Variants in MYO6 observed in about 807,000 individuals in gnomAD.
MYO6 encodes the protein myosin VI, also known as unconventional myosin-VI.
Under a neutral mutation model 178.7 loss-of-function variants are expected in MYO6, and 74 were observed. The observed-to-expected ratio is 0.41, with a 90% confidence interval of 0.34 to 0.50. The LOEUF (loss-of-function observed/expected upper bound fraction) is 0.50. MYO6 is among the 20% of genes least tolerant of loss of function. The probability of loss-of-function intolerance (pLI) is 0.09; values close to 1 mark genes in which losing one functional copy is unlikely to be tolerated. For missense variants in MYO6, 1,330 were observed against 1,547.4 expected (o/e 0.86, Z 2.36); for synonymous variants, 477 against 504.6 (o/e 0.95, Z 0.73).
chr6:75,889,736 A>G (rs1043472664), intron 25 of MYO6, among the ~76,000 whole-genome samples: 2 of 152,156 alleles, frequency 1.3e-5, no homozygotes, highest in Admixed American at 6.5e-5. Flanking sequence ...TAACTGCAGT[A>G]TATTACCTTA....
intron 32 of MYO6, among the ~76,000 whole-genome samples, chr6:75,908,843 A>G (rs995325685): frequency 6.6e-6 from 1 of 152,116 alleles, no homozygotes; most frequent in Non-Finnish European, 1.5e-5. Context: ...TATTGAATTT[A>G]CTATAATTGA....
At chr6:75,870,877 A>T (rs1777088875) in intron 19 of MYO6, among the ~76,000 whole-genome samples, 192 bp downstream of exon 19, 1 of 152,166 alleles carries the variant, frequency 6.6e-6, no homozygotes, top group Non-Finnish European at 1.5e-5. Context: ...TTTTATAAAT[A>T]TATAGAATTC....
At chr6:75,763,110 T>G (rs1778095245) in intron 1 of MYO6, among the ~76,000 whole-genome samples, 1 of 150,424 alleles carries the variant, frequency 6.6e-6, no homozygotes, top group African/African-American at 2.5e-5. Flanking sequence ...CACTGCAACC[T>G]CCACCGTCCG....
chr6:75,861,443 G>A (rs370391441), intron 15 of MYO6, among the ~76,000 whole-genome samples: 67 of 152,326 alleles, frequency 4.4e-4, no homozygotes, highest in African/African-American at 1.6e-3. Context: ...AGGCAAGTTT[G>A]TCAGGGTTTG....
intron 1 of MYO6, among the ~76,000 whole-genome samples, chr6:75,789,690 G>T (rs1365444561): frequency 6.6e-6 from 1 of 152,082 alleles, no homozygotes; most frequent in Non-Finnish European, 1.5e-5. Flanking sequence ...GCTTGTATAT[G>T]TAGTATAATG....
intron 1 of MYO6, among the ~76,000 whole-genome samples, chr6:75,790,872 C>G (rs987570020): frequency 6.6e-6 from 1 of 152,050 alleles, no homozygotes; most frequent in African/African-American, 2.4e-5. Context: ...TGTAATTATG[C>G]AGATGTCATG....
rs574706298 is a variant in MYO6 at position 75,917,159 on chromosome 6, T to C, written c.*2147T>C. 1.1e-4 allele frequency: 17 copies of C among 152,656 alleles called. No homozygotes were observed. Among genetic ancestry groups the C allele is most frequent in the Non-Finnish European group, 2.4e-4 (16 of 68,044 alleles). 9.5% of individuals were successfully genotyped at this position (152,656 alleles called of 1,614,324 possible). A position where few individuals can be genotyped will look rare whatever the true frequency, so the allele number is the denominator to read the frequency against. The stretch of plus-strand genomic sequence containing the variant: ...GGAGTGGTGTCCTAAATGATGTTCA[T>C]GCAGCTGCTTTACCATGTTCACAGT... On this transcript the variant is annotated 3_prime_UTR_variant, in exon 35 of 35. Transcript: ENST00000369977.
At chr6:75,782,551 C>T (rs1319504205) in intron 1 of MYO6, among the ~76,000 whole-genome samples, 2 of 152,138 alleles carry the variant, frequency 1.3e-5, no homozygotes, top group Non-Finnish European at 2.9e-5. Context: ...TAATTTCTTC[C>T]TTGCCTGCTA....
At chr6:75,896,192 A>G (rs1041598395) in intron 29 of MYO6, among the ~76,000 whole-genome samples, 1 of 152,210 alleles carries the variant, frequency 6.6e-6, no homozygotes, top group Non-Finnish European at 1.5e-5. Context: ...TCTCAACTCT[A>G]TCAGGCTCCA....
At chr6:75,890,728 A>C (rs1481240245) in intron 26 of MYO6, among the ~76,000 whole-genome samples, 1 of 152,228 alleles carries the variant, frequency 6.6e-6, no homozygotes, top group East Asian at 1.9e-4. Flanking sequence ...TCATTTTATA[A>C]TAGTGATACC....
At chr6:75,864,573 C>A (rs1458318272) in intron 16 of MYO6, among the ~76,000 whole-genome samples, 1 of 152,102 alleles carries the variant, frequency 6.6e-6, no homozygotes, top group Admixed American at 6.5e-5. Context: ...TGCATGATTA[C>A]CTTTACCAGG....
chr6:75,875,432 G>A (rs1030693453), intron 20 of MYO6, among the ~76,000 whole-genome samples: 3 of 151,942 alleles, frequency 2.0e-5, no homozygotes, highest in East Asian at 3.9e-4. Context: ...GTGCCACCAC[G>A]CCCAGCTAAT....
At chr6:75,842,059 A>T (rs945835696) in intron 9 of MYO6, among the ~76,000 whole-genome samples, 1 of 152,200 alleles carries the variant, frequency 6.6e-6, no homozygotes, top group African/African-American at 2.4e-5. Context: ...ACATGATTGA[A>T]TTTCTTAATT....
At chr6:75,790,266 C>G (rs1768090097) in intron 1 of MYO6, among the ~76,000 whole-genome samples, 1 of 152,148 alleles carries the variant, frequency 6.6e-6, no homozygotes, top group South Asian at 2.1e-4. Flanking sequence ...AACTACTATA[C>G]CAATTTAAAT....
chr6:75,776,431 T>C (rs1766389389), intron 1 of MYO6, among the ~76,000 whole-genome samples: 1 of 152,192 alleles, frequency 6.6e-6, no homozygotes, highest in South Asian at 2.1e-4. Context: ...ATAAATCTTT[T>C]TGAATAACAT....
rs577249187 is a variant in MYO6 at position 75,838,619 on chromosome 6, T to C, written c.554-1966T>C. On this transcript the variant is annotated intron_variant, in intron 7 of 34. Transcript: ENST00000369977. The stretch of plus-strand genomic sequence containing the variant: ...CTCTTTTTGTTAACACAGCCAGTTA[T>C]GTGGACTTTGAAGAGTGAGTTGACC... 2.6e-4 allele frequency among the ~76,000 whole-genome samples: 40 copies of C among 151,922 alleles called. 1 individual carries two copies. The highest frequency in any genetic ancestry group is 1.6e-3 in the Admixed American group (25 of 15,250).
intron 1 of MYO6, among the ~76,000 whole-genome samples, chr6:75,810,581 C>G (rs1770601168): frequency 6.6e-6 from 1 of 152,180 alleles, no homozygotes. Context: ...TCAAGTTCCT[C>G]TGGGTTTCCC....
At chr6:75,775,349 A>T (rs1766278397) in intron 1 of MYO6, among the ~76,000 whole-genome samples, 1 of 152,166 alleles carries the variant, frequency 6.6e-6, no homozygotes, top group Admixed American at 6.6e-5. Flanking sequence ...TGGGTCAAGA[A>T]CTTATACAGA....
chr6:75,860,963 T>G, intron 14 of MYO6, 60 bp from the exon 15 acceptor site: 1 of 1,207,384 alleles, frequency 8.3e-7, no homozygotes, highest in Non-Finnish European at 1.2e-6. Context: ...TCAGAAACAG[T>G]GCAAAATTCA....
Sources: gnomAD v4.1 joint callset for allele counts (sites outside exome capture counted in the v4.1 genomes callset) on GRCh38, gnomAD v4.1.1 for gene constraint, MANE v1.5 for transcripts, NCBI Gene and HGNC (gene_info 2026-07-23, HGNC 2026-07-21) for gene names.